Variants in CNTN4 observed in about 807,000 individuals in gnomAD.
The protein encoded by CNTN4 is contactin 4.
A neutral mutation model predicts 122.5 loss-of-function variants in CNTN4; 77 were observed. That is an observed-to-expected ratio of 0.63 (90% CI 0.52 to 0.76). The LOEUF is 0.76. CNTN4 is among the 30% of genes least tolerant of loss of function. The pLI is 0.00. For synonymous variants in CNTN4, 512 were observed against 447.0 expected (o/e 1.15, Z -1.83); for missense variants, 1,256 against 1,259.1 (o/e 1.00, Z 0.04).
intron 3 of CNTN4, among the ~76,000 whole-genome samples, chr3:2,529,246 C>T (rs2077510004): frequency 6.6e-6 from 1 of 152,054 alleles, no homozygotes; most frequent in South Asian, 2.1e-4. Flanking sequence ...AACATAAAGT[C>T]CTCTGGAGTC....
chr3:2,914,913 AAGGATTATAC>A (rs2094337855), intron 12 of CNTN4, among the ~76,000 whole-genome samples: 1 of 152,232 alleles, frequency 6.6e-6, no homozygotes, highest in African/African-American at 2.4e-5. Context: ...AGTACATTAA[AAGGATTATAC>A]ACAATGTCAA....
intron 2 of CNTN4, among the ~76,000 whole-genome samples, chr3:2,323,712 C>T (rs993051009): frequency 3.9e-5 from 6 of 152,194 alleles, no homozygotes; most frequent in African/African-American, 1.4e-4. Context: ...CTTGAATAAA[C>T]AAGTACATGC....
At chr3:2,500,337 C>T (rs757706388) in intron 3 of CNTN4, among the ~76,000 whole-genome samples, 27 of 151,974 alleles carry the variant, frequency 1.8e-4, no homozygotes, top group Non-Finnish European at 2.9e-4. Context: ...CTTTTTTAGT[C>T]AGTAATTGTG....
At chr3:2,352,798 A>C (rs988462083) in intron 3 of CNTN4, among the ~76,000 whole-genome samples, 1 of 152,202 alleles carries the variant, frequency 6.6e-6, no homozygotes, top group Non-Finnish European at 1.5e-5. Flanking sequence ...GGTGGGCAGC[A>C]GGGGATCTAC....
chr3:2,486,093 A>G (rs2076152776), intron 3 of CNTN4, among the ~76,000 whole-genome samples: 1 of 152,158 alleles, frequency 6.6e-6, no homozygotes, highest in Non-Finnish European at 1.5e-5. Flanking sequence ...GAGGCCAGCC[A>G]GACCACGAAC....
intron 6 of CNTN4, among the ~76,000 whole-genome samples, chr3:2,774,276 A>C (rs2149793887): frequency 6.6e-6 from 1 of 151,948 alleles, no homozygotes; most frequent in South Asian, 2.1e-4. Flanking sequence ...AAAAACAAAA[A>C]CAAAAAAAAG....
intron 4 of CNTN4, among the ~76,000 whole-genome samples, chr3:2,585,837 A>AT (rs1196720397): frequency 1.1e-4 from 16 of 151,416 alleles, no homozygotes; most frequent in Non-Finnish European, 1.3e-4. Flanking sequence ...TTAAAGTATA[A>AT]TAAAAAAAAA....
intron 13 of CNTN4, among the ~76,000 whole-genome samples, chr3:2,961,102 C>A (rs1290322509): frequency 2.1e-5 from 3 of 142,228 alleles, no homozygotes; most frequent in Non-Finnish European, 3.1e-5. Flanking sequence ...TGGTGATGGG[C>A]GCCTGTAGTC....
chr3:3,002,000 G>C (rs1231216200), intron 14 of CNTN4, among the ~76,000 whole-genome samples: 1 of 152,116 alleles, frequency 6.6e-6, no homozygotes, highest in Admixed American at 6.5e-5. Flanking sequence ...GAAATCTGAA[G>C]CAAATTGAGG....
chr3:2,627,800 A>AT (rs1456535673), intron 4 of CNTN4, among the ~76,000 whole-genome samples: 1 of 152,094 alleles, frequency 6.6e-6, no homozygotes, highest in Non-Finnish European at 1.5e-5. Context: ...GCCAACTGTC[A>AT]TTTTTCCCCA....
chr3:2,391,769 G>A (rs559745933), intron 3 of CNTN4, among the ~76,000 whole-genome samples: 1 of 152,198 alleles, frequency 6.6e-6, no homozygotes, highest in South Asian at 2.1e-4. Context: ...ATAAACTTTT[G>A]AGAATCAAAG....
intron 4 of CNTN4, among the ~76,000 whole-genome samples, chr3:2,636,992 C>T (rs755456575): frequency 4.0e-5 from 5 of 124,726 alleles, no homozygotes; most frequent in South Asian, 2.6e-4. Flanking sequence ...GTCTGGAGTG[C>T]GGTGAGTGGC....
chr3:2,528,306 A>G (rs938757710), intron 3 of CNTN4, among the ~76,000 whole-genome samples: 2 of 152,188 alleles, frequency 1.3e-5, no homozygotes, highest in South Asian at 2.1e-4. Flanking sequence ...TGTTATTTCT[A>G]TTTTATTGGA....
At chr3:2,573,960 T>C (rs75446026) in intron 4 of CNTN4, among the ~76,000 whole-genome samples, 17,626 of 152,230 alleles carry the variant, frequency 0.12, 1,373 homozygotes, top group Non-Finnish European at 0.16. Context: ...CTCATGCCTG[T>C]AACCCCAACA....
At chr3:2,803,081 C>G (rs1041704990) in intron 6 of CNTN4, among the ~76,000 whole-genome samples, 13 of 152,074 alleles carry the variant, frequency 8.5e-5, no homozygotes, top group Admixed American at 5.2e-4. Context: ...ATGAAGAACT[C>G]CAATGAGTCA....
chr3:2,511,678 G>T (rs764108520), intron 3 of CNTN4: 1 of 152,180 alleles, frequency 6.6e-6, no homozygotes, highest in Non-Finnish European at 1.5e-5. Flanking sequence ...GCGAAACTGG[G>T]ACATTTTACT....
intron 2 of CNTN4, among the ~76,000 whole-genome samples, chr3:2,323,223 G>A (rs559029395): frequency 6.6e-6 from 1 of 152,180 alleles, no homozygotes; most frequent in Admixed American, 6.5e-5. Context: ...TCTCCTATAG[G>A]AAAGCCGGCT....
chr3:2,695,939 G>A (rs1401576307), intron 4 of CNTN4, among the ~76,000 whole-genome samples: 1 of 152,156 alleles, frequency 6.6e-6, no homozygotes, highest in Non-Finnish European at 1.5e-5. Flanking sequence ...TGGGGGTAAT[G>A]ACACTATAGT....
intron 3 of CNTN4, among the ~76,000 whole-genome samples, chr3:2,530,616 C>T (rs1275124017): frequency 6.6e-6 from 1 of 151,988 alleles, no homozygotes; most frequent in East Asian, 1.9e-4. Context: ...CCTCTATTTT[C>T]TTCTTAAAAC....
Sources: gnomAD v4.1 joint callset for allele counts (sites outside exome capture counted in the v4.1 genomes callset) on GRCh38, gnomAD v4.1.1 for gene constraint, MANE v1.5 for transcripts, NCBI Gene and HGNC (gene_info 2026-07-23, HGNC 2026-07-21) for gene names.